The following TG variants were observed in gnomAD, a reference collection of about 807,000 sequenced individuals.
The protein encoded by TG is thyroid hormones.
Under a neutral mutation model 324.7 loss-of-function variants are expected in TG, and 270 were observed. That is an observed-to-expected ratio of 0.83 (90% CI 0.75 to 0.92). The LOEUF is 0.92. TG is among the 40% of genes least tolerant of loss of function. The pLI is 0.00. For missense variants in TG, 3,591 were observed against 3,456.4 expected, an observed-to-expected ratio of 1.04 and a Z score of -0.98; for synonymous variants, 1,401 against 1,327.0, an observed-to-expected ratio of 1.06 and a Z score of -1.21.
At chr8:133,025,370 G>A (rs923963153) in intron 40 of TG, among the ~76,000 whole-genome samples, 3 of 152,190 alleles carry the variant, frequency 2.0e-5, no homozygotes, top group African/African-American at 4.8e-5. Context: ...ATAAGCCTGC[G>A]ACACTGGTGC....
intron 35 of TG, among the ~76,000 whole-genome samples, chr8:133,004,655 T>C (rs1407148451): frequency 6.6e-6 from 1 of 152,046 alleles, no homozygotes; most frequent in Non-Finnish European, 1.5e-5. Context: ...GGTGAGTGGG[T>C]GAGAGTAGGG....
intron 3 of TG, 112 bp from the exon 4 acceptor site, chr8:132,871,236 G>A: frequency 8.7e-7 from 1 of 1,147,916 alleles, no homozygotes; most frequent in Non-Finnish European, 1.3e-6. Context: ...CCTTGGGCGG[G>A]TCATTCCCCT....
At position 133,134,710 on chromosome 8, in the gene TG, AGAG is replaced by A. The variant is rs1244277791; in HGVS notation, c.8230_8232del (p.Glu2744del). 5 of 1,613,982 alleles carry A rather than the reference AGAG, an allele frequency of 3.1e-6. No homozygotes were observed. The highest frequency in any genetic ancestry group is 4.2e-6 in the Non-Finnish European group (5 of 1,179,984). On this transcript the variant is annotated inframe_deletion, in exon 48 of 48. Transcript: ENST00000220616. Reference sequence around the variant, plus strand: ...AGGGCGGGCAGTCAGCAGAGAGTGAAGAGGAGGAGTTGACGGCTGGATCTGGGC... The same window carrying A: ...AGGGCGGGCAGTCAGCAGAGAGTGAAGAGGAGTTGACGGCTGGATCTGGGC...
chr8:133,021,907 C>A, intron 39 of TG, 84 bp from the exon 40 acceptor site: 1 of 1,559,016 alleles, frequency 6.4e-7, no homozygotes, highest in Non-Finnish European at 8.8e-7. Flanking sequence ...CCAGAGGAGT[C>A]CTGTGTCAAC....
chr8:133,035,987 C>T (rs1837079910), intron 41 of TG, among the ~76,000 whole-genome samples: 1 of 152,172 alleles, frequency 6.6e-6, no homozygotes. Context: ...CTGATACCTC[C>T]TAAGCACACT....
chr8:132,897,924 T>G, intron 12 of TG, 138 bp downstream of exon 12: 1 of 1,108,394 alleles, frequency 9.0e-7, no homozygotes, highest in Non-Finnish European at 1.3e-6. Context: ...CCTTAGCTTC[T>G]CGGGCCTCCA....
Position 132,893,718 on chromosome 8 carries a change from C to T in TG, c.2790C>T (p.Leu930=), listed in dbSNP as rs1226961573. 6.2e-7 allele frequency: 1 copy of T among 1,613,864 alleles called. No homozygotes were observed. Among genetic ancestry groups the T allele is most frequent in the South Asian group, 1.1e-5 (1 of 91,078 alleles). The change falls in exon 11 of 48, where the codon CTC becomes CTT. Residue 930 remains leucine, a synonymous_variant. Coordinates refer to ENST00000220616, the MANE Select transcript of TG (RefSeq NM_003235.5). The stretch of plus-strand genomic sequence containing the variant: ...CTGGCTCCTGTGAGGAAGCAAAGCT[C>T]CGTGTACTGCAGTTCATTAGGGAAA... ...TCPGSCEEAK[L]RVLQFIRETE...
chr8:132,931,478 G>A (rs888292581), intron 23 of TG, among the ~76,000 whole-genome samples: 3 of 152,210 alleles, frequency 2.0e-5, no homozygotes, highest in Non-Finnish European at 4.4e-5. Flanking sequence ...ATTGTTGGTG[G>A]GGAAAGGGGA....
At chr8:133,024,412 T>G (rs901968018) in intron 40 of TG, among the ~76,000 whole-genome samples, 6 of 150,404 alleles carry the variant, frequency 4.0e-5, no homozygotes, top group African/African-American at 1.2e-4. Flanking sequence ...TTAATTTTAC[T>G]TTAAGTTCTG....
At chr8:132,990,391 A>C (rs770546423) in intron 35 of TG, among the ~76,000 whole-genome samples, 4 of 152,090 alleles carry the variant, frequency 2.6e-5, no homozygotes, top group Admixed American at 6.5e-5. Flanking sequence ...GGCAATCAGC[A>C]TATCTATCGC....
intron 34 of TG, among the ~76,000 whole-genome samples, chr8:132,982,446 G>A: frequency 6.6e-6 from 1 of 152,202 alleles, no homozygotes; most frequent in African/African-American, 2.4e-5. Flanking sequence ...GCATTTATGT[G>A]TCACATACTG....
At chr8:133,115,152 C>T (rs1467145934) in intron 44 of TG, among the ~76,000 whole-genome samples, 1 of 152,082 alleles carries the variant, frequency 6.6e-6, no homozygotes, top group African/African-American at 2.4e-5. Context: ...TTAATTTTGC[C>T]TTATCTGACC....
Position 132,899,351 on chromosome 8 carries a change from G to C in TG, c.3330+441G>C, listed in dbSNP as rs1316016857. On this transcript the variant is annotated intron_variant, in intron 14 of 47. Coordinates refer to ENST00000220616, the MANE Select transcript of TG (RefSeq NM_003235.5). ...GGTGATTGTAACAATTCATAATTCA[G>C]CGAAGTACTGATGTAGAGCTCCTAG... is the stretch of plus-strand genomic sequence containing the variant. Among the ~76,000 whole-genome samples the C allele has an allele frequency of 2.0e-5, 3 of 152,182 alleles. No individual in the cohort carries two copies. In the East Asian group the frequency reaches 5.8e-4, roughly 29 times the overall value.
At chr8:132,935,895 CGCGGTG>C (rs779365801) in intron 25 of TG, 31 bp downstream of exon 25, 12 of 1,569,126 alleles carry the variant, frequency 7.6e-6, no homozygotes, top group Non-Finnish European at 1.1e-5. Flanking sequence ...GGCTTAGGCC[CGCGGTG>C]GCTTCACACG....
Position 132,911,392 on chromosome 8 carries a change from A to G in TG, c.4018A>G (p.Thr1340Ala), listed in dbSNP as rs763117671. 3 of 1,614,090 alleles carry G rather than the reference A, an allele frequency of 1.9e-6. No individual in the cohort carries two copies. The South Asian group carries it at 3.3e-5, about 18-fold the overall frequency. ...CTTCTTGTAGGTGAAGACTTTTGGC[A>G]CCCTGGTTTCCATTCCTGTCTGCAA... is the stretch of plus-strand genomic sequence containing the variant. ...FCQIQVKTFG[T>A]LVSIPVCNNS... Residue 1340 changes from threonine (T) to alanine (A), a missense_variant, in exon 19 of 48, where the codon ACC becomes GCC. Physicochemically the swap from Thr to Ala is moderately conservative, Grantham distance 58. Transcript: ENST00000220616.
intron 35 of TG, among the ~76,000 whole-genome samples, chr8:133,005,350 G>A (rs950477372): frequency 6.6e-6 from 1 of 152,140 alleles, no homozygotes; most frequent in Non-Finnish European, 1.5e-5. Flanking sequence ...GTTTGGTGGG[G>A]ACATAACTGG....
At chr8:133,058,633 C>T (rs1841891798) in intron 41 of TG, among the ~76,000 whole-genome samples, 1 of 152,142 alleles carries the variant, frequency 6.6e-6, no homozygotes, top group Non-Finnish European at 1.5e-5. Flanking sequence ...GAGGAGGAGG[C>T]TGTGGCCAAA....
chr8:132,962,470 T>A (rs1424512097), intron 28 of TG, among the ~76,000 whole-genome samples: 1 of 152,106 alleles, frequency 6.6e-6, no homozygotes, highest in Non-Finnish European at 1.5e-5. Flanking sequence ...GACTTACATT[T>A]CTCCAGGACA....
rs765931953 is a variant in TG at position 133,094,242 on chromosome 8, C to CTTT, written c.7240-786_7240-784dup. On this transcript the variant is annotated intron_variant, in intron 41 of 47. Transcript: ENST00000220616. ...TTAGAAAGAAGAAACCTGTCGTTTT[C>CTTT]TTTTTTTTTTTTTTTTTTGATGGAG... is the stretch of plus-strand genomic sequence containing the variant. Among the ~76,000 whole-genome samples the CTTT allele has an allele frequency of 3.9e-3, 492 of 126,568 alleles. 8 individuals are homozygous for CTTT. Among genetic ancestry groups the CTTT allele is most frequent in the African/African-American group, 0.012 (398 of 34,058 alleles). The allele number at this position is 126,568 out of a possible 152,430, so 83.0% of individuals were successfully genotyped here. A position where few individuals can be genotyped will look rare whatever the true frequency, so the allele number is the denominator to read the frequency against.
Sources: allele counts gnomAD v4.1 joint callset (sites outside exome capture counted in the v4.1 genomes callset), GRCh38; gene constraint gnomAD v4.1.1; transcripts MANE v1.5; gene names NCBI Gene and HGNC (gene_info 2026-07-23, HGNC 2026-07-21).